Variants in FAM13C observed in about 807,000 individuals in gnomAD.
FAM13C encodes protein FAM13C.
In FAM13C, 37 loss-of-function variants were observed where a neutral mutation model predicts 73.2. That is an observed-to-expected ratio of 0.51 (90% confidence interval 0.39 to 0.67). The LOEUF (loss-of-function observed/expected upper bound fraction) is 0.67, where lower values mean the gene tolerates loss of function less well. Ranked by LOEUF, FAM13C falls within the 30% of genes least tolerant of loss-of-function variation. FAM13C has a pLI of 0.00. For missense variants in FAM13C, 589 were observed against 715.6 expected, an observed-to-expected ratio of 0.82 and a Z score of 2.02; for synonymous variants, 246 against 260.9, an observed-to-expected ratio of 0.94 and a Z score of 0.55.
intron 6 of FAM13C, among the ~76,000 whole-genome samples, chr10:59,275,669 A>C (rs1179416097): frequency 6.6e-6 from 1 of 152,206 alleles, no homozygotes; most frequent in Non-Finnish European, 1.5e-5. Context: ...ACTGGTTAAA[A>C]GCCCGGGCTC....
chr10:59,305,016 C>A (rs949697768), intron 4 of FAM13C, among the ~76,000 whole-genome samples: 13 of 152,132 alleles, frequency 8.5e-5, no homozygotes, highest in Non-Finnish European at 1.9e-4. Context: ...AGGGCCACAC[C>A]AGGTGCAGCC....
intron 3 of FAM13C, among the ~76,000 whole-genome samples, chr10:59,336,416 T>C (rs1852734587): frequency 6.6e-6 from 1 of 152,180 alleles, no homozygotes; most frequent in Non-Finnish European, 1.5e-5. Flanking sequence ...GTTCACACCA[T>C]GCACTCAACA....
rs375361029 is a variant in FAM13C at position 59,268,675 on chromosome 10, G to C, written c.820C>G (p.Arg274Gly). ...TCCTTGCCATCTCCACAGCTGCAGC[G>C]TGAAGAACTCCGCGGCCTGCAGTGA... ...QQFMMPRSSS[R>G]CSCGDGKEPQ... is the part of the protein sequence containing the mutation. Residue 274 changes from arginine to glycine, a missense_variant, in exon 8 of 14, where the codon CGC (arginine) becomes GGC (glycine). By Grantham distance (125) the Arg-to-Gly change is moderately radical (BLOSUM62 -2). Coordinates refer to ENST00000618804, the MANE Select transcript of FAM13C (RefSeq NM_198215.4). 1.9e-6 allele frequency: 3 copies of C among 1,612,452 alleles called. No individual in the cohort carries two copies. The highest frequency in any genetic ancestry group is 2.7e-5 in the African/African-American group (2 of 74,864).
intron 4 of FAM13C, among the ~76,000 whole-genome samples, chr10:59,315,487 C>A (rs1849423630): frequency 6.6e-6 from 1 of 151,836 alleles, no homozygotes; most frequent in Non-Finnish European, 1.5e-5. Flanking sequence ...ATGGTATGTC[C>A]CCTAGGGGCC....
At chr10:59,326,013 C>T (rs764657781) in intron 3 of FAM13C, among the ~76,000 whole-genome samples, 1 of 151,792 alleles carries the variant, frequency 6.6e-6, no homozygotes, top group Non-Finnish European at 1.5e-5. Context: ...TTATTAAAAC[C>T]TTATCCTTTT....
At position 59,302,834 on chromosome 10, in the gene FAM13C, C is replaced by G; in HGVS notation, c.474G>C (p.Lys158Asn). 2 of 1,614,098 alleles carry G rather than the reference C, an allele frequency of 1.2e-6. No homozygotes were observed. The highest frequency in any genetic ancestry group is 1.7e-6 in the Non-Finnish European group (2 of 1,179,984). Residue 158 changes from lysine to asparagine, a missense_variant, in exon 5 of 14, where the codon AAG becomes AAC. By Grantham distance (94) the Lys-to-Asn change is moderately conservative (BLOSUM62 0). Coordinates refer to ENST00000618804, the MANE Select transcript of FAM13C (RefSeq NM_198215.4). ...RIDQRTAISP[K>N]DAFETRQDLN... ...AGTCCTGCCGAGTTTCAAAAGCATC[C>G]TTTGGCGAAATGGCAGTCCTCTGGT... is the stretch of plus-strand genomic sequence containing the variant.
intron 10 of FAM13C, among the ~76,000 whole-genome samples, chr10:59,257,402 T>C (rs1842046871): frequency 1.3e-5 from 2 of 152,240 alleles, no homozygotes; most frequent in South Asian, 4.1e-4. Flanking sequence ...GCTTCAGCAC[T>C]TCTACCACCT....
intron 4 of FAM13C, among the ~76,000 whole-genome samples, chr10:59,310,954 A>G (rs979560588): frequency 7.9e-5 from 12 of 152,308 alleles, no homozygotes; most frequent in African/African-American, 2.9e-4. Flanking sequence ...CTAAAGGTCC[A>G]AGTGCAACAG....
intron 4 of FAM13C, among the ~76,000 whole-genome samples, chr10:59,304,802 A>AGGGAAGGGAC: frequency 1.1e-5 from 1 of 93,508 alleles, no homozygotes; most frequent in South Asian, 5.5e-4. Context: ...AGGGAAGGGA[A>AGGGAAGGGAC]GGGAAGGGAA....
intron 4 of FAM13C, among the ~76,000 whole-genome samples, chr10:59,321,431 C>CTTTTTTTTT (rs1850255076): frequency 1.8e-5 from 2 of 109,856 alleles, no homozygotes; most frequent in African/African-American, 3.5e-5. Flanking sequence ...CCTGCCAACA[C>CTTTTTTTTT]CTTTTTTTTT....
chr10:59,320,524 GA>G (rs901918725), intron 4 of FAM13C, among the ~76,000 whole-genome samples: 3 of 152,146 alleles, frequency 2.0e-5, no homozygotes, highest in Non-Finnish European at 4.4e-5. Flanking sequence ...TCTGTTAAAA[GA>G]AAATCTTTAG....
chr10:59,355,995 G>T, intron 1 of FAM13C, 52 bp from the exon 2 acceptor site: 1 of 1,512,396 alleles, frequency 6.6e-7, no homozygotes, highest in Non-Finnish European at 9.2e-7. Context: ...TGCTATAGCA[G>T]TAGTAGCAAT....
chr10:59,283,491 T>G (rs748611076), intron 5 of FAM13C, 44 bp from the exon 6 acceptor site: 8 of 1,594,346 alleles, frequency 5.0e-6, no homozygotes, highest in Middle Eastern at 1.7e-4. Flanking sequence ...TTCGAGGGCT[T>G]GCAGCTTCAG....
intron 8 of FAM13C, 103 bp downstream of exon 8, chr10:59,268,450 G>T: frequency 6.7e-7 from 1 of 1,495,944 alleles, no homozygotes. Context: ...GAACAGAGCT[G>T]TCCCCTGGCA....
chr10:59,330,681 C>T (rs1407426566), intron 3 of FAM13C, among the ~76,000 whole-genome samples: 3 of 152,160 alleles, frequency 2.0e-5, no homozygotes, highest in Admixed American at 1.3e-4. Flanking sequence ...AGCTACCCCT[C>T]TCTAGGAATC....
At chr10:59,284,025 T>C (rs1458474535) in intron 5 of FAM13C, among the ~76,000 whole-genome samples, 2 of 138,246 alleles carry the variant, frequency 1.4e-5, no homozygotes, top group African/African-American at 6.2e-5. Flanking sequence ...ATTGGTATGC[T>C]GGGGTATGTG....
chr10:59,315,740 A>C (rs1446126988), intron 4 of FAM13C, among the ~76,000 whole-genome samples: 1 of 152,178 alleles, frequency 6.6e-6, no homozygotes, highest in East Asian at 1.9e-4. Context: ...TGAAACAGAA[A>C]TATCTAGTAA....
Position 59,297,992 on chromosome 10 carries a change from A to G in FAM13C, c.507+4809T>C, listed in dbSNP as rs80206046. Among the ~76,000 whole-genome samples, 825 of 152,336 alleles carry G rather than the reference A, an allele frequency of 5.4e-3. 12 individuals carry two copies. The highest frequency in any genetic ancestry group is 0.019 in the African/African-American group (787 of 41,588). ...TTGAAATCCCCGCCATTGGAGGTAT[A>G]GAGTTTACTGGTGTGCAAAAGACTC... On this transcript the variant is annotated intron_variant, in intron 5 of 13. Transcript: ENST00000618804.
chr10:59,262,332 A>G, intron 10 of FAM13C, 102 bp downstream of exon 10: 1 of 1,082,016 alleles, frequency 9.2e-7, no homozygotes, highest in Non-Finnish European at 1.3e-6. Context: ...CAGGCTAATA[A>G]AAATATTGAT....
Sources: gnomAD v4.1 joint callset for allele counts (sites outside exome capture counted in the v4.1 genomes callset) on GRCh38, gnomAD v4.1.1 for gene constraint, MANE v1.5 for transcripts, NCBI Gene and HGNC (gene_info 2026-07-23, HGNC 2026-07-21) for gene names.